HYAL3: variants seen among roughly 807,000 people sequenced by gnomAD.
HYAL3 encodes the protein hyaluronidase 3.
A neutral mutation model predicts 29.6 loss-of-function variants in HYAL3; 25 were observed. The ratio of observed to expected loss-of-function variants is 0.85; its 90% CI spans 0.62 to 1.18. HYAL3 has a LOEUF of 1.18. HYAL3 is among the 50% of genes most tolerant of loss of function. The pLI is 0.00. For synonymous variants in HYAL3, 215 were observed against 218.3 expected (o/e 0.99, Z 0.13); for missense variants, 442 against 548.4 (o/e 0.81, Z 1.94).
In HYAL3 at chr3:50,297,595, G is replaced by T; in HGVS notation, c.-18+1618C>A. The T allele has an allele frequency of 6.7e-7, 1 of 1,488,676 alleles. No homozygotes were observed. The highest frequency in any genetic ancestry group is 2.4e-5 in the East Asian group (1 of 42,434). The allele number at this position is 1,488,676 out of a possible 1,614,324, so 92.2% of individuals were successfully genotyped here. On this transcript the variant is annotated intron_variant, in intron 1 of 3. Coordinates refer to ENST00000336307, the MANE Select transcript of HYAL3 (RefSeq NM_003549.4). This position sits in a 1 kb window ranked among gnomAD's most constrained non-coding sequence, Gnocchi z 4.3. ...AAGGTCACCTGCTGCTAGGTTGCAG[G>T]TGGCTCAGTGCCAGGCTGGAGGTTA...
Position 50,295,484 on chromosome 3 carries a change from G to A in HYAL3, c.119C>T (p.Ala40Val), listed in dbSNP as rs1553710949. Reference protein sequence around the residue: ...PFSVLWNVPSAHCEARFGVHL... With the variant: ...PFSVLWNVPSVHCEARFGVHL... The stretch of plus-strand genomic sequence containing the variant: ...CACACCAAAGCGGGCCTCACAGTGT[G>A]CTGAGGGTACATTCCACAGCACAGA... Residue 40 changes from alanine to valine, a missense_variant, in exon 2 of 4, where the codon GCA (alanine) becomes GTA (valine). Physicochemically the swap from Ala to Val is moderately conservative, Grantham distance 64. Coordinates refer to ENST00000336307, the MANE Select transcript of HYAL3 (RefSeq NM_003549.4). The A allele has an allele frequency of 1.2e-6, 2 of 1,613,394 alleles. No individual in the cohort carries two copies. The highest frequency in any genetic ancestry group is 2.7e-5 in the African/African-American group (2 of 74,802).
Position 50,295,419 on chromosome 3 carries a change from C to T in HYAL3, c.184G>A (p.Gly62Ser). ...LNALGIIANR[G>S]QHFHGQNMTI... ...ATGTTCTGACCGTGAAAATGCTGGC[C>T]ACGGTTGGCTATGATGCCCAGAGCA... The change falls in exon 2 of 4, where the codon GGC becomes AGC. Residue 62 changes from glycine to serine, a missense_variant. Gly to Ser is a moderately conservative substitution (Grantham distance 56, BLOSUM62 0). Transcript: ENST00000336307. 6.2e-7 allele frequency: 1 copy of T among 1,614,194 alleles called. No individual in the cohort carries two copies. The highest frequency in any genetic ancestry group is 1.7e-5 in the Admixed American group (1 of 60,036).
chr3:50,298,845 C>T, intron 1 of HYAL3: 1 of 1,228,970 alleles, frequency 8.1e-7, no homozygotes, highest in Non-Finnish European at 1.0e-6. Context: ...TCTGCAGCAG[C>T]CGCACCCTTT....
chr3:50,296,415 C>T, intron 1 of HYAL3: 3 of 645,632 alleles, frequency 4.6e-6, no homozygotes, highest in Non-Finnish European at 8.1e-6. Context: ...CCAAGAGAGC[C>T]TTTATTCAGC....
intron 1 of HYAL3, chr3:50,298,905 G>A: frequency 1.5e-6 from 2 of 1,354,192 alleles, no homozygotes; most frequent in East Asian, 3.0e-5. Context: ...TGAGCCCGGG[G>A]CTTCCCCGCG....
In HYAL3 at chr3:50,297,110, G is replaced by A. The variant is rs377325247; in HGVS notation, c.-17-1491C>T. Reference sequence around the variant, plus strand: ...ACAGGCGGGCATGGCCCACCACAACGGGTGCTGCTTCAAGTGTGGGGTGGG... The same window carrying A: ...ACAGGCGGGCATGGCCCACCACAACAGGTGCTGCTTCAAGTGTGGGGTGGG... On this transcript the variant is annotated intron_variant, in intron 1 of 3. Coordinates refer to ENST00000336307, the MANE Select transcript of HYAL3 (RefSeq NM_003549.4). The surrounding 1 kb of genome is among the most constrained non-coding windows in gnomAD (Gnocchi z 4.3). 6.7e-5 allele frequency: 105 copies of A among 1,556,152 alleles called. No homozygotes were observed. Among genetic ancestry groups the A allele is most frequent in the Non-Finnish European group, 8.5e-5 (98 of 1,149,690 alleles).
rs1490290422 is a variant in HYAL3 at position 50,297,117 on chromosome 3, G to A, written c.-17-1498C>T. On this transcript the variant is annotated intron_variant, in intron 1 of 3. Coordinates refer to ENST00000336307, the MANE Select transcript of HYAL3 (RefSeq NM_003549.4). The surrounding 1 kb of genome is among the most constrained non-coding windows in gnomAD (Gnocchi z 4.3). Reference sequence around the variant, plus strand: ...GGCATGGCCCACCACAACGGGTGCTGCTTCAAGTGTGGGGTGGGGGCTTAG... The same window carrying A: ...GGCATGGCCCACCACAACGGGTGCTACTTCAAGTGTGGGGTGGGGGCTTAG... The A allele has an allele frequency of 5.8e-6, 9 of 1,562,810 alleles. No homozygotes were observed. The highest frequency in any genetic ancestry group is 7.8e-6 in the Non-Finnish European group (9 of 1,152,536).
In HYAL3 at chr3:50,293,221, A is replaced by G; in HGVS notation, c.*25T>C. On this transcript the variant is annotated 3_prime_UTR_variant, in exon 4 of 4. Coordinates refer to ENST00000336307, the MANE Select transcript of HYAL3 (RefSeq NM_003549.4). ...TGGAAAAGTGGCAGCAGGGAAAAGA[A>G]GAGGCAGTGGCAGGGGCCCTGGCTT... The G allele has an allele frequency of 6.2e-7, 1 of 1,613,028 alleles. No homozygotes were observed. The highest frequency in any genetic ancestry group is 8.5e-7 in the Non-Finnish European group (1 of 1,180,000).
Position 50,298,845 on chromosome 3 carries a change from C to A in HYAL3, c.-18+368G>T, listed in dbSNP as rs139807365. On this transcript the variant is annotated intron_variant, in intron 1 of 3. Transcript: ENST00000336307. ...CCTGCATCAGCCACCTCTGCAGCAG[C>A]CGCACCCTTTGGTCTAGAGGGAGGA... 65 of 1,228,970 alleles carry A rather than the reference C, an allele frequency of 5.3e-5. No homozygotes were observed. The East Asian group carries it at 2.8e-3, about 52-fold the overall frequency. The allele number at this position is 1,228,970 out of a possible 1,614,324, so 76.1% of individuals were successfully genotyped here. A position where few individuals can be genotyped will look rare whatever the true frequency, so the allele number is the denominator to read the frequency against.
At position 50,293,722 on chromosome 3, in the gene HYAL3, C is replaced by G. The variant is rs1701746267; in HGVS notation, c.895-1G>C. The G allele has an allele frequency of 6.2e-7, 1 of 1,613,522 alleles. No homozygotes were observed. Among genetic ancestry groups the G allele is most frequent in the Non-Finnish European group, 8.5e-7 (1 of 1,179,974 alleles). On this transcript the variant is annotated splice_acceptor_variant, in intron 2 of 3. Coordinates refer to ENST00000336307, the MANE Select transcript of HYAL3 (RefSeq NM_003549.4). LOFTEE classifies it high-confidence loss of function. ...CACCAATGGACTGCACAAGGTCATC[C>G]TGGAGGCAGAGAGCTGCTAAGCCAG... is the stretch of plus-strand genomic sequence containing the variant.
Position 50,293,090 on chromosome 3 carries a change from C to T in HYAL3, c.*156G>A, listed in dbSNP as rs1553710243. ...GCCTCTGGTTTTATAAGCGTTTTTTCTGGCCCCTTCTACCCCTCAGGGATT... is the reference window on the plus strand; with the variant it reads ...GCCTCTGGTTTTATAAGCGTTTTTTTTGGCCCCTTCTACCCCTCAGGGATT... On this transcript the variant is annotated 3_prime_UTR_variant, in exon 4 of 4. Transcript: ENST00000336307. 6.9e-7 allele frequency: 1 copy of T among 1,439,542 alleles called. No homozygotes were observed. Among genetic ancestry groups the T allele is most frequent in the Non-Finnish European group, 9.7e-7 (1 of 1,033,626 alleles). 89.2% of individuals were successfully genotyped at this position (1,439,542 alleles called of 1,614,324 possible). A position where few individuals can be genotyped will look rare whatever the true frequency, so the allele number is the denominator to read the frequency against.
intron 1 of HYAL3, 158 bp from the exon 2 acceptor site, chr3:50,295,777 G>A: frequency 2.3e-6 from 1 of 444,438 alleles, no homozygotes. Flanking sequence ...GCCTTTTAAA[G>A]CAGCCACACC....
chr3:50,294,259 C>T (rs1325664870), intron 2 of HYAL3, among the ~76,000 whole-genome samples: 1 of 152,174 alleles, frequency 6.6e-6, no homozygotes, highest in African/African-American at 2.4e-5. Context: ...GAGATGGTGC[C>T]ACTGCACTCC....
intron 1 of HYAL3, chr3:50,296,532 G>C: frequency 6.5e-7 from 1 of 1,543,508 alleles, no homozygotes; most frequent in Non-Finnish European, 8.9e-7. Context: ...GGTATGGTCA[G>C]TGGGCTGAGG....
rs1553710830 is a variant in HYAL3 at position 50,295,121 on chromosome 3, T to G, written c.482A>C (p.Asp161Ala). ...GGCCTTGTAGAGCTGCTCCTGAGGG[T>G]CCAGGTCAGGGAATACCTGCTGTGC... ...AWAQQVFPDL[D>A]PQEQLYKAYT... Residue 161 changes from aspartate (D) to alanine (A), a missense_variant, in exon 2 of 4, where the codon GAC (aspartate) becomes GCC (alanine). By Grantham distance (126) the Asp-to-Ala change is moderately radical. Coordinates refer to ENST00000336307, the MANE Select transcript of HYAL3 (RefSeq NM_003549.4). 6.2e-7 allele frequency: 1 copy of G among 1,613,542 alleles called. No homozygotes were observed. The highest frequency in any genetic ancestry group is 8.5e-7 in the Non-Finnish European group (1 of 1,180,022).
chr3:50,297,022 T>C lies in HYAL3; in HGVS notation c.-17-1403A>G. On this transcript the variant is annotated intron_variant, in intron 1 of 3. Coordinates refer to ENST00000336307, the MANE Select transcript of HYAL3 (RefSeq NM_003549.4). This position sits in a 1 kb window ranked among gnomAD's most constrained non-coding sequence, Gnocchi z 4.3. ...AGGCGGCGGCCAAAGCCACGGCCCC[T>C]CAGGGCCCGGGCCACCACCACTGTC... The C allele has an allele frequency of 6.5e-7, 1 of 1,544,346 alleles. No homozygotes were observed. Among genetic ancestry groups the C allele is most frequent in the Non-Finnish European group, 8.7e-7 (1 of 1,149,292 alleles).
chr3:50,294,871 G>A lies in HYAL3; in HGVS notation c.732C>T (p.Ser244=), dbSNP rs1701778017. The change falls in exon 2 of 4, where the codon AGC becomes AGT. Residue 244 remains serine (S), a synonymous_variant. Transcript: ENST00000336307. Reference sequence around the variant, plus strand: ...GTGGCAGCCTGGGTGGGAGGTAGATGCTGGGGAAGAGGGCACTGGAGGCGG... The same window carrying A: ...GTGGCAGCCTGGGTGGGAGGTAGATACTGGGGAAGAGGGCACTGGAGGCGG... ...LWAASSALFP[S]IYLPPRLPPA... 2 of 1,551,186 alleles carry A rather than the reference G, an allele frequency of 1.3e-6. No individual in the cohort carries two copies. The highest frequency in any genetic ancestry group is 2.7e-5 in the African/African-American group (2 of 73,456).
chr3:50,297,111 G>A lies in HYAL3; in HGVS notation c.-17-1492C>T. On this transcript the variant is annotated intron_variant, in intron 1 of 3. Coordinates refer to ENST00000336307, the MANE Select transcript of HYAL3 (RefSeq NM_003549.4). The surrounding 1 kb of genome is among the most constrained non-coding windows in gnomAD (Gnocchi z 4.3). ...CAGGCGGGCATGGCCCACCACAACG[G>A]GTGCTGCTTCAAGTGTGGGGTGGGG... 1.3e-6 allele frequency: 2 copies of A among 1,556,978 alleles called. No homozygotes were observed. Among genetic ancestry groups the A allele is most frequent in the Non-Finnish European group, 1.7e-6 (2 of 1,149,932 alleles).
rs908790808 is a variant in HYAL3 at position 50,297,054 on chromosome 3, A to G, written c.-17-1435T>C. The G allele has an allele frequency of 4.2e-5, 65 of 1,535,940 alleles. No individual in the cohort carries two copies. Among genetic ancestry groups the G allele is most frequent in the Non-Finnish European group, 5.5e-5 (63 of 1,143,972 alleles). ...CCGGGCCACCACCACTGTCTCCACT[A>G]AGAGGCTCTGGGGCTGGTTCAGCAC... On this transcript the variant is annotated intron_variant, in intron 1 of 3. Transcript: ENST00000336307. This position sits in a 1 kb window ranked among gnomAD's most constrained non-coding sequence, Gnocchi z 4.3.
Sources: gnomAD v4.1 joint callset for allele counts (sites outside exome capture counted in the v4.1 genomes callset) on GRCh38, gnomAD v4.1.1 for gene constraint, Gnocchi (gnomAD v3.1) non-coding constraint, MANE v1.5 for transcripts, NCBI Gene and HGNC (gene_info 2026-07-23, HGNC 2026-07-21) for gene names.